The following MYO7A variants were observed in gnomAD, a reference collection of about 807,000 sequenced individuals.
The protein encoded by MYO7A is unconventional myosin-VIIa.
In MYO7A, 210 loss-of-function variants were observed where a neutral mutation model predicts 263.8. That is an observed-to-expected ratio of 0.80 (90% CI 0.71 to 0.89). MYO7A has a LOEUF of 0.89. MYO7A is among the 40% of genes least tolerant of loss of function. The pLI, the probability that MYO7A is intolerant of heterozygous loss-of-function variation, is 0.00. For synonymous variants in MYO7A, 1,239 were observed against 1,197.3 expected (o/e 1.03, Z -0.72); for missense variants, 2,820 against 2,968.3 (o/e 0.95, Z 1.16).
chr11:77,212,939 T>C lies in MYO7A; in HGVS notation c.6355-13T>C, dbSNP rs1194410075. The C allele has an allele frequency of 1.9e-6, 3 of 1,579,002 alleles. No individual in the cohort carries two copies. The highest frequency in any genetic ancestry group is 2.6e-6 in the Non-Finnish European group (3 of 1,160,566). On this transcript the variant is annotated splice_polypyrimidine_tract_variant and intron_variant, in intron 46 of 48. Coordinates refer to ENST00000409709, the MANE Select transcript of MYO7A (RefSeq NM_000260.4). The stretch of plus-strand genomic sequence containing the variant: ...TGGGCCCCCATCTGATGCCTTCTCA[T>C]CTTTTTTTCTAGCAAACTACGGAGC...
In MYO7A at chr11:77,189,478, G is replaced by T. The variant is rs1438101781; in HGVS notation, c.3630+8G>T. On this transcript the variant is annotated splice_region_variant and intron_variant, in intron 28 of 48. Coordinates refer to ENST00000409709, the MANE Select transcript of MYO7A (RefSeq NM_000260.4). The stretch of plus-strand genomic sequence containing the variant: ...TCCGAGAAGTTTGTCAAGGTAGGAA[G>T]GTGCCTGGCCTCCTGGAGTGGGAAG... 6.2e-7 allele frequency: 1 copy of T among 1,613,790 alleles called. No individual in the cohort carries two copies. The highest frequency in any genetic ancestry group is 1.1e-5 in the South Asian group (1 of 91,078).
At chr11:77,203,933 G>T in intron 38 of MYO7A, 143 bp from the exon 39 acceptor site, 1 of 906,602 alleles carries the variant, frequency 1.1e-6, no homozygotes, top group South Asian at 1.8e-5. Flanking sequence ...GGGTGGGGCA[G>T]ATCATGCCCA....
chr11:77,213,628 A>G lies in MYO7A; in HGVS notation c.6439-232A>G, dbSNP rs1030331739. 6.6e-5 allele frequency among the ~76,000 whole-genome samples: 10 copies of G among 151,976 alleles called. No homozygotes were observed. In the East Asian group the frequency reaches 7.8e-4, roughly 12 times the overall value. ...GGTGTCAGTTCCCTCAGGTCTCCCAATTTCCGAGTTCTGGCCCCAAGTACC... is the reference window on the plus strand; with the variant it reads ...GGTGTCAGTTCCCTCAGGTCTCCCAGTTTCCGAGTTCTGGCCCCAAGTACC... On this transcript the variant is annotated intron_variant, in intron 47 of 48. Coordinates refer to ENST00000409709, the MANE Select transcript of MYO7A (RefSeq NM_000260.4).
rs998097292 is a variant in MYO7A at position 77,214,059 on chromosome 11, C to G, written c.6558+80C>G. On this transcript the variant is annotated intron_variant, in intron 48 of 48. Transcript: ENST00000409709. ...CCAGCCTCCCAGGGCCTGGAACAAA[C>G]ACAGTAGTGTGCGGCTGGGCCTGGG... 5.7e-6 allele frequency: 9 copies of G among 1,587,770 alleles called. No homozygotes were observed. In the African/African-American group the frequency reaches 1.2e-4, roughly 21 times the overall value.
At chr11:77,155,832 CAGAGCCCA>C (rs1555061222) in intron 4 of MYO7A, 67 bp from the exon 5 acceptor site, 2 of 1,447,712 alleles carry the variant, frequency 1.4e-6, no homozygotes, top group African/African-American at 2.8e-5. Flanking sequence ...TGGAGCAGGG[CAGAGCCCA>C]AGAGCTTTCT....
intron 4 of MYO7A, among the ~76,000 whole-genome samples, chr11:77,150,946 T>A (rs1951916946): frequency 6.6e-6 from 1 of 152,186 alleles, no homozygotes; most frequent in Admixed American, 6.5e-5. Context: ...CCCCGTCCCT[T>A]CATGGATTGG....
At chr11:77,154,792 G>A (rs1780891591) in intron 4 of MYO7A, among the ~76,000 whole-genome samples, 1 of 152,146 alleles carries the variant, frequency 6.6e-6, no homozygotes, top group Non-Finnish European at 1.5e-5. Context: ...TTTCTGGCCA[G>A]CCCTCCTGGT....
intron 45 of MYO7A, 79 bp downstream of exon 45, chr11:77,211,416 C>T (rs970116753): frequency 1.4e-6 from 2 of 1,428,216 alleles, no homozygotes; most frequent in Non-Finnish European, 1.9e-6. Flanking sequence ...GGGGCAGACA[C>T]TGGCCAGCAG....
At chr11:77,149,724 A>G (rs1432818996) in intron 4 of MYO7A, among the ~76,000 whole-genome samples, 1 of 151,950 alleles carries the variant, frequency 6.6e-6, no homozygotes, top group Non-Finnish European at 1.5e-5. Flanking sequence ...CTTGCTGTCC[A>G]TTTTTTGGGC....
At chr11:77,143,593 G>C (rs1951359223) in intron 3 of MYO7A, among the ~76,000 whole-genome samples, 1 of 152,232 alleles carries the variant, frequency 6.6e-6, no homozygotes, top group South Asian at 2.1e-4. Flanking sequence ...TGGGGCCTCT[G>C]AGCATGCGTG....
At chr11:77,147,161 C>A (rs1405924359) in intron 3 of MYO7A, among the ~76,000 whole-genome samples, 4 of 152,106 alleles carry the variant, frequency 2.6e-5, no homozygotes, top group African/African-American at 9.7e-5. Flanking sequence ...CCTGAACCTG[C>A]CAAGCCTTTG....
chr11:77,156,652 C>T lies in MYO7A; in HGVS notation c.471-8C>T, dbSNP rs1400348576. Reference sequence around the variant, plus strand: ...TGTGACAGGTCCTGCCACTCCCTCCCTCTGCAGTGGGGAATCTGGGGCCGG... The same window carrying T: ...TGTGACAGGTCCTGCCACTCCCTCCTTCTGCAGTGGGGAATCTGGGGCCGG... On this transcript the variant is annotated splice_polypyrimidine_tract_variant and splice_region_variant and intron_variant, in intron 5 of 48. Transcript: ENST00000409709. 2 of 1,613,392 alleles carry T rather than the reference C, an allele frequency of 1.2e-6. No individual in the cohort carries two copies. The highest frequency in any genetic ancestry group is 1.3e-5 in the African/African-American group (1 of 74,910).
At chr11:77,195,762 G>T (rs148284223) in intron 32 of MYO7A, among the ~76,000 whole-genome samples, 1 of 152,226 alleles carries the variant, frequency 6.6e-6, no homozygotes, top group Non-Finnish European at 1.5e-5. Context: ...CACAGTTTTT[G>T]TAGGGTGGGA....
chr11:77,190,271 C>A, intron 29 of MYO7A, 132 bp downstream of exon 29: 1 of 984,256 alleles, frequency 1.0e-6, no homozygotes, highest in Non-Finnish European at 1.4e-6. Context: ...TCCTCAGACA[C>A]CTACCCTCAA....
At chr11:77,135,868 C>T (rs782062481) in intron 2 of MYO7A, among the ~76,000 whole-genome samples, 6 of 152,002 alleles carry the variant, frequency 3.9e-5, no homozygotes, top group Non-Finnish European at 7.4e-5. Flanking sequence ...TGCCTTTGGT[C>T]GCTTTGTATA....
Position 77,160,146 on chromosome 11 carries a change from G to C in MYO7A, c.1081-17G>C. The C allele has an allele frequency of 1.3e-6, 2 of 1,550,104 alleles. No individual in the cohort carries two copies. The highest frequency in any genetic ancestry group is 2.0e-5 in the Admixed American group (1 of 51,098). ...GGCAGGCTGGCAGGTGAGCACCTGG[G>C]GTGTTGCCTGTACCAGGTGAACCCC... is the stretch of plus-strand genomic sequence containing the variant. On this transcript the variant is annotated splice_polypyrimidine_tract_variant and intron_variant, in intron 10 of 48. Transcript: ENST00000409709.
At chr11:77,157,896 G>A (rs1478922612) in intron 8 of MYO7A, among the ~76,000 whole-genome samples, 2 of 152,194 alleles carry the variant, frequency 1.3e-5, no homozygotes, top group African/African-American at 4.8e-5. Flanking sequence ...TCTACACCAG[G>A]CAGTACCTGC....
intron 3 of MYO7A, among the ~76,000 whole-genome samples, chr11:77,144,069 T>C (rs1182042427): frequency 6.6e-6 from 1 of 152,158 alleles, no homozygotes; most frequent in Non-Finnish European, 1.5e-5. Context: ...GTCACACAGC[T>C]AGTAAGTGAT....
Position 77,190,843 on chromosome 11 carries a change from C to T in MYO7A, c.3897C>T (p.Phe1299=). ...DKISLKDRFG[F]SLYIALFDKV... ...TCTCTCTCAAGGACCGGTTCGGGTTCTCCCTCTACATTGCCCTGTTTGACA... is the reference window on the plus strand; with the variant it reads ...TCTCTCTCAAGGACCGGTTCGGGTTTTCCCTCTACATTGCCCTGTTTGACA... Residue 1299 remains phenylalanine (F), a synonymous_variant, in exon 30 of 49, where the codon TTC becomes TTT. Transcript: ENST00000409709. The T allele has an allele frequency of 6.3e-7, 1 of 1,584,738 alleles. No homozygotes were observed. The highest frequency in any genetic ancestry group is 2.3e-5 in the East Asian group (1 of 43,318).
Sources: gnomAD v4.1 joint callset for allele counts (sites outside exome capture counted in the v4.1 genomes callset) on GRCh38, gnomAD v4.1.1 for gene constraint, MANE v1.5 for transcripts, NCBI Gene and HGNC (gene_info 2026-07-23, HGNC 2026-07-21) for gene names.